The following SLFN14 variants were observed in gnomAD, a reference collection of about 807,000 sequenced individuals.
The protein encoded by SLFN14 is schlafen family member 14.
Under a neutral mutation model 58.6 loss-of-function variants are expected in SLFN14, and 47 were observed. That is an observed-to-expected ratio of 0.80 (90% CI 0.64 to 1.02). The LOEUF is 1.02. Ranked by LOEUF, SLFN14 falls within the 50% of genes least tolerant of loss-of-function variation. The probability of loss-of-function intolerance (pLI) is 0.00; values close to 1 mark genes in which losing one functional copy is unlikely to be tolerated. For synonymous variants in SLFN14, 390 were observed against 387.3 expected (o/e 1.01, Z -0.08); for missense variants, 967 against 1,078.4 (o/e 0.90, Z 1.45).
chr17:35,545,466 G>T lies in SLFN14; in HGVS notation c.*2773C>A, dbSNP rs9898142. Among the ~76,000 whole-genome samples the T allele has an allele frequency of 0.013, 1,923 of 152,186 alleles. 48 individuals are homozygous for T. Among genetic ancestry groups the T allele is most frequent in the African/African-American group, 0.044 (1,809 of 41,520 alleles). On this transcript the variant is annotated 3_prime_UTR_variant, in exon 6 of 6. Transcript: ENST00000674182. ...GAACAGACTAGGAGAAGGGTTCAAT[G>T]GTTCTCAACCCTTGTGACATATTAG...
intron 5 of SLFN14, among the ~76,000 whole-genome samples, chr17:35,549,588 C>A (rs1210107892): frequency 2.0e-5 from 3 of 152,222 alleles, no homozygotes; most frequent in African/African-American, 7.2e-5. Flanking sequence ...AGTTCCACGA[C>A]ACATCAAGTA....
rs1396455564 is a variant in SLFN14 at position 35,557,401 on chromosome 17, A to G, written c.662T>C (p.Ile221Thr). The G allele has an allele frequency of 6.4e-7, 1 of 1,551,698 alleles. No homozygotes were observed. The highest frequency in any genetic ancestry group is 8.7e-7 in the Non-Finnish European group (1 of 1,146,994). ...AGGCAGCATTTCCTTAATCCGAGGT[A>G]TGACTTTTTTGGTGGTGAACCTTTT... Reference protein sequence around the residue: ...EFKRFTTKKVIPRIKEMLPHY... With the variant: ...EFKRFTTKKVTPRIKEMLPHY... The change falls in exon 3 of 6, where the codon ATA (isoleucine) becomes ACA (threonine). Residue 221 changes from isoleucine (I) to threonine (T), a missense_variant. Coordinates refer to ENST00000674182, the MANE Select transcript of SLFN14 (RefSeq NM_001129820.2).
Position 35,544,677 on chromosome 17 carries a change from C to T in SLFN14, c.*3562G>A, listed in dbSNP as rs1412803836. ...CCAAGTAGCTGGGATTACAGGCATG[C>T]GCCACCATGCCCAGCTAATTTTGTA... On this transcript the variant is annotated 3_prime_UTR_variant, in exon 6 of 6. Coordinates refer to ENST00000674182, the MANE Select transcript of SLFN14 (RefSeq NM_001129820.2). Among the ~76,000 whole-genome samples, 1 of 151,476 alleles carries T rather than the reference C, an allele frequency of 6.6e-6. No homozygotes were observed. Among genetic ancestry groups the T allele is most frequent in the Non-Finnish European group, 1.5e-5 (1 of 67,908 alleles).
At position 35,553,311 on chromosome 17, in the gene SLFN14, G is replaced by A. The variant is rs1042450881; in HGVS notation, c.1323C>T (p.Ser441=). Residue 441 remains serine, a synonymous_variant, in exon 5 of 6, where the codon AGC becomes AGT. Transcript: ENST00000674182. ...CSQGIVIFSR[S]WAGDVGFRKE... is the part of the protein sequence containing the mutation. ...TCCTGAAGCCAACATCACCAGCCCA[G>A]CTTCTAGAAAATATCACAATCCCCT... The A allele has an allele frequency of 6.4e-7, 1 of 1,551,652 alleles. No homozygotes were observed. Among genetic ancestry groups the A allele is most frequent in the Non-Finnish European group, 8.7e-7 (1 of 1,146,994 alleles).
chr17:35,553,532 G>C, intron 4 of SLFN14, 88 bp from the exon 5 acceptor site: 2 of 1,014,246 alleles, frequency 2.0e-6, no homozygotes, highest in Non-Finnish European at 2.8e-6. Flanking sequence ...ATGATACCTG[G>C]TGCATTTGGG....
rs1597900294 is a variant in SLFN14 at position 35,548,142 on chromosome 17, G to T, written c.*97C>A. ...GCTCCAGGCCATACTGATGTGCCTTGATTTCCTCACTTGTAATATTAAAAT... is the reference window on the plus strand; with the variant it reads ...GCTCCAGGCCATACTGATGTGCCTTTATTTCCTCACTTGTAATATTAAAAT... On this transcript the variant is annotated 3_prime_UTR_variant, in exon 6 of 6. Transcript: ENST00000674182. 8.3e-7 allele frequency: 1 copy of T among 1,211,156 alleles called. No individual in the cohort carries two copies. The highest frequency in any genetic ancestry group is 1.1e-6 in the Non-Finnish European group (1 of 882,994). 75.0% of individuals were successfully genotyped at this position (1,211,156 alleles called of 1,614,324 possible).
chr17:35,549,589 A>C (rs1244325380), intron 5 of SLFN14, among the ~76,000 whole-genome samples: 1 of 152,226 alleles, frequency 6.6e-6, no homozygotes, highest in Non-Finnish European at 1.5e-5. Flanking sequence ...GTTCCACGAC[A>C]CATCAAGTAG....
At position 35,547,209 on chromosome 17, in the gene SLFN14, C is replaced by A. The variant is rs369857712; in HGVS notation, c.*1030G>T. 6.6e-6 allele frequency among the ~76,000 whole-genome samples: 1 copy of A among 152,106 alleles called. No individual in the cohort carries two copies. The highest frequency in any genetic ancestry group is 2.4e-5 in the African/African-American group (1 of 41,424). On this transcript the variant is annotated 3_prime_UTR_variant, in exon 6 of 6. Transcript: ENST00000674182. Reference sequence around the variant, plus strand: ...TCTGAGGGCAAAGAATAATGAAAAACTAGTCATCCTTAGCATTCTAAATTT... The same window carrying A: ...TCTGAGGGCAAAGAATAATGAAAAAATAGTCATCCTTAGCATTCTAAATTT...
In SLFN14 at chr17:35,551,821, G is replaced by A. The variant is rs547158803; in HGVS notation, c.1904+909C>T. Among the ~76,000 whole-genome samples, 70 of 152,266 alleles carry A rather than the reference G, an allele frequency of 4.6e-4. 1 individual carries two copies. The highest frequency in any genetic ancestry group is 1.6e-3 in the African/African-American group (67 of 41,556). On this transcript the variant is annotated intron_variant, in intron 5 of 5. Transcript: ENST00000674182. ...CAAAAAGTTAAAGAAATTCGAGATC[G>A]AATACAACGTAGAGCAGAGGAGCTT...
At position 35,553,253 on chromosome 17, in the gene SLFN14, T is replaced by A; in HGVS notation, c.1381A>T (p.Ile461Leu). Reference sequence around the variant, plus strand: ...AGTACCACGGGGCTGTTAACTGCTATCAGGAGAGCATCACACAGGACATTC... The same window carrying A: ...AGTACCACGGGGCTGTTAACTGCTAACAGGAGAGCATCACACAGGACATTC... ...EQNVLCDALL[I>L]AVNSPVVLYT... The change falls in exon 5 of 6, where the codon ATA becomes TTA. Residue 461 changes from isoleucine to leucine, a missense_variant. Physicochemically the swap from Ile to Leu is conservative, Grantham distance 5. Transcript: ENST00000674182. 1 of 1,551,676 alleles carries A rather than the reference T, an allele frequency of 6.4e-7. No individual in the cohort carries two copies. Among genetic ancestry groups the A allele is most frequent in the Non-Finnish European group, 8.7e-7 (1 of 1,146,996 alleles).
intron 5 of SLFN14, among the ~76,000 whole-genome samples, chr17:35,552,264 G>T (rs191848420): frequency 6.6e-6 from 1 of 152,112 alleles, no homozygotes; most frequent in Admixed American, 6.6e-5. Flanking sequence ...GTTGAGGGGG[G>T]CACTGAGAGA....
rs1027156828 is a variant in SLFN14 at position 35,547,388 on chromosome 17, G to A, written c.*851C>T. Reference sequence around the variant, plus strand: ...CACCAACCTAATAGATATTGCAATAGTCTAATATAATCTGAAGATTTTTAA... The same window carrying A: ...CACCAACCTAATAGATATTGCAATAATCTAATATAATCTGAAGATTTTTAA... On this transcript the variant is annotated 3_prime_UTR_variant, in exon 6 of 6. Transcript: ENST00000674182. Among the ~76,000 whole-genome samples the A allele has an allele frequency of 6.6e-6, 1 of 152,126 alleles. No individual in the cohort carries two copies. The highest frequency in any genetic ancestry group is 2.1e-4 in the South Asian group (1 of 4,824).
In SLFN14 at chr17:35,557,553, C is replaced by T. The variant is rs2072665165; in HGVS notation, c.510G>A (p.Gln170=). The T allele has an allele frequency of 1.9e-6, 3 of 1,551,666 alleles. No homozygotes were observed. In the East Asian group the frequency reaches 7.3e-5, roughly 38 times the overall value. Residue 170 remains glutamine (Q), a synonymous_variant, in exon 3 of 6, where the codon CAG becomes CAA. Transcript: ENST00000674182. ...GRPRVKKLHP[Q]QVLNRCIQEE... is the part of the protein sequence containing the mutation. ...CCTGAATGCATCTATTGAGAACCTG[C>T]TGAGGATGCAACTTCTTCACCCTTG... is the stretch of plus-strand genomic sequence containing the variant.
In SLFN14 at chr17:35,554,621, T is replaced by C; in HGVS notation, c.1144A>G (p.Lys382Glu). The change falls in exon 4 of 6, where the codon AAA becomes GAA. Residue 382 changes from lysine (K) to glutamate (E), a missense_variant. Transcript: ENST00000674182. ...AGAGCCTCCTTAAATTTGTGGACTTTTATGGGATATCCGGGACTTTTTCGT... is the reference window on the plus strand; with the variant it reads ...AGAGCCTCCTTAAATTTGTGGACTTCTATGGGATATCCGGGACTTTTTCGT... ...SARKSPGYPIKVHKFKEALQR... is the reference protein window; with the variant it reads ...SARKSPGYPIEVHKFKEALQR... The C allele has an allele frequency of 1.3e-6, 2 of 1,536,080 alleles. No homozygotes were observed. The highest frequency in any genetic ancestry group is 1.4e-5 in the African/African-American group (1 of 72,070).
chr17:35,552,523 G>A (rs773399219), intron 5 of SLFN14, among the ~76,000 whole-genome samples: 68 of 151,728 alleles, frequency 4.5e-4, no homozygotes, highest in African/African-American at 1.6e-3. Flanking sequence ...AGCTGGCAAC[G>A]GCTACCCTCT....
At position 35,545,809 on chromosome 17, in the gene SLFN14, A is replaced by G. The variant is rs1020920933; in HGVS notation, c.*2430T>C. 2.0e-5 allele frequency among the ~76,000 whole-genome samples: 3 copies of G among 152,146 alleles called. No individual in the cohort carries two copies. The highest frequency in any genetic ancestry group is 4.4e-5 in the Non-Finnish European group (3 of 68,014). On this transcript the variant is annotated 3_prime_UTR_variant, in exon 6 of 6. Coordinates refer to ENST00000674182, the MANE Select transcript of SLFN14 (RefSeq NM_001129820.2). Reference sequence around the variant, plus strand: ...ACCAGCCACTGCACCCTGCCTGGACAACATTTAATAAATACCGATGCCCGA... The same window carrying G: ...ACCAGCCACTGCACCCTGCCTGGACGACATTTAATAAATACCGATGCCCGA...
chr17:35,554,256 T>C (rs2142205943), intron 4 of SLFN14, among the ~76,000 whole-genome samples: 1 of 149,866 alleles, frequency 6.7e-6, no homozygotes. Context: ...GAAATAGTAA[T>C]AGTGGGAATC....
chr17:35,559,147 GC>G (rs1156712734), intron 2 of SLFN14, among the ~76,000 whole-genome samples: 5 of 152,160 alleles, frequency 3.3e-5, no homozygotes, highest in African/African-American at 1.2e-4. Flanking sequence ...GATCTCTTGA[GC>G]CCAGGAGTTT....
At chr17:35,556,048 AT>A (rs954155135) in intron 3 of SLFN14, among the ~76,000 whole-genome samples, 18 of 151,766 alleles carry the variant, frequency 1.2e-4, no homozygotes, top group African/African-American at 4.4e-4. Flanking sequence ...TTATTTATTT[AT>A]TTTTTTGAGA....
Sources: allele counts gnomAD v4.1 joint callset (sites outside exome capture counted in the v4.1 genomes callset), GRCh38; gene constraint gnomAD v4.1.1; transcripts MANE v1.5; gene names NCBI Gene and HGNC (gene_info 2026-07-23, HGNC 2026-07-21).